BARX2: variants seen among roughly 807,000 people sequenced by gnomAD.
The protein encoded by BARX2 is BARX homeobox 2, also known as homeobox protein BarH-like 2.
Under a neutral mutation model 25.5 loss-of-function variants are expected in BARX2, and 11 were observed. That is an observed-to-expected ratio of 0.43 (90% CI 0.27 to 0.71). BARX2 has a LOEUF of 0.71. Among genes scored for constraint, BARX2 ranks in the 30% least tolerant of loss-of-function variants. BARX2 has a pLI of 0.19. For missense variants in BARX2, 360 were observed against 359.9 expected (o/e 1.00, Z 0.00); for synonymous variants, 137 against 149.5 (o/e 0.92, Z 0.61).
At chr11:129,429,009 T>TG (rs1473890097) in intron 1 of BARX2, among the ~76,000 whole-genome samples, 4 of 124,972 alleles carry the variant, frequency 3.2e-5, no homozygotes, top group Non-Finnish European at 6.1e-5. Context: ...GAAGTTGTGT[T>TG]TTTTTTTTTT....
intron 1 of BARX2, among the ~76,000 whole-genome samples, chr11:129,405,018 G>A (rs551215968): frequency 6.6e-6 from 1 of 152,266 alleles, no homozygotes; most frequent in Admixed American, 6.5e-5. Flanking sequence ...ACATCCATAC[G>A]TATAGCCTCT....
At chr11:129,426,355 C>T (rs1235254801) in intron 1 of BARX2, among the ~76,000 whole-genome samples, 1 of 151,866 alleles carries the variant, frequency 6.6e-6, no homozygotes, top group African/African-American at 2.4e-5. Context: ...CACCCTGTAT[C>T]TGTTTTCCAT....
intron 2 of BARX2, among the ~76,000 whole-genome samples, chr11:129,440,775 TGATA>T (rs1426107443): frequency 2.6e-5 from 4 of 152,136 alleles, no homozygotes; most frequent in East Asian, 3.9e-4. Context: ...TGGGCCTCCC[TGATA>T]GTTAGATCTC....
chr11:129,398,434 A>G (rs1344323210), intron 1 of BARX2, among the ~76,000 whole-genome samples: 1 of 152,238 alleles, frequency 6.6e-6, no homozygotes, highest in Non-Finnish European at 1.5e-5. Flanking sequence ...CAGAGATATC[A>G]TGCTAATTGC....
At chr11:129,447,644 T>C (rs547849605) in intron 3 of BARX2, among the ~76,000 whole-genome samples, 1 of 152,262 alleles carries the variant, frequency 6.6e-6, no homozygotes, top group Admixed American at 6.5e-5. Flanking sequence ...AATGTTTTAT[T>C]CCATTTAGAA....
chr11:129,377,692 T>G (rs1395399162), intron 1 of BARX2, among the ~76,000 whole-genome samples: 1 of 152,232 alleles, frequency 6.6e-6, no homozygotes, highest in Non-Finnish European at 1.5e-5. Context: ...CAAATCATCC[T>G]TTGTTATAAT....
intron 1 of BARX2, among the ~76,000 whole-genome samples, chr11:129,430,022 A>C (rs1297389838): frequency 6.6e-6 from 1 of 151,304 alleles, no homozygotes. Context: ...CCTGCCCCCC[A>C]TACATTGTGT....
At chr11:129,404,070 C>G (rs73569141) in intron 1 of BARX2, among the ~76,000 whole-genome samples, 1 of 152,212 alleles carries the variant, frequency 6.6e-6, no homozygotes, top group Non-Finnish European at 1.5e-5. Context: ...GAAAAATAAT[C>G]CAGTATCTAT....
intron 1 of BARX2, among the ~76,000 whole-genome samples, chr11:129,380,013 G>C (rs931680282): frequency 6.6e-6 from 1 of 151,780 alleles, no homozygotes; most frequent in African/African-American, 2.4e-5. Context: ...TACAGAGCTG[G>C]AGAGGCTCAT....
chr11:129,419,925 C>G (rs1861985663), intron 1 of BARX2, among the ~76,000 whole-genome samples: 1 of 151,976 alleles, frequency 6.6e-6, no homozygotes. Flanking sequence ...AGATTACATG[C>G]ATTAGCCACC....
rs765885620 is a variant in BARX2, at chr11:129,436,690, G to A, written c.188-61G>A. On this transcript the variant is annotated intron_variant, in intron 1 of 3. Coordinates refer to ENST00000281437, the MANE Select transcript of BARX2 (RefSeq NM_003658.5). This position sits in a 1 kb window ranked among gnomAD's most constrained non-coding sequence, Gnocchi z 4.5. Reference sequence around the variant, plus strand: ...GACCTCAGCCAGCGGCCCTCCGCAGGTCCTGGCCTGCTTCCCCACACCGTT... The same window carrying A: ...GACCTCAGCCAGCGGCCCTCCGCAGATCCTGGCCTGCTTCCCCACACCGTT... 44 of 1,512,234 alleles carry A rather than the reference G, an allele frequency of 2.9e-5. No individual in the cohort carries two copies. The highest frequency in any genetic ancestry group is 3.9e-5 in the Non-Finnish European group (44 of 1,125,314). The allele number at this position is 1,512,234 out of a possible 1,614,324, so 93.7% of individuals were successfully genotyped here.
intron 2 of BARX2, among the ~76,000 whole-genome samples, chr11:129,440,072 T>C (rs1695718786): frequency 6.6e-6 from 1 of 152,150 alleles, no homozygotes. Flanking sequence ...CTCTCAGATG[T>C]TCCTCGCCTC....
At chr11:129,401,448 A>T (rs957617626) in intron 1 of BARX2, among the ~76,000 whole-genome samples, 30 of 152,346 alleles carry the variant, frequency 2.0e-4, no homozygotes, top group African/African-American at 6.7e-4. Context: ...ATTATTTTTT[A>T]AAAATTTTAG....
At chr11:129,443,017 T>C in intron 3 of BARX2, 98 bp downstream of exon 3, 1 of 1,107,438 alleles carries the variant, frequency 9.0e-7, no homozygotes, top group Non-Finnish European at 1.4e-6. Flanking sequence ...CAGTTTGGGC[T>C]GCAGAGATTG....
At chr11:129,383,424 T>G (rs1156985197) in intron 1 of BARX2, among the ~76,000 whole-genome samples, 1 of 152,190 alleles carries the variant, frequency 6.6e-6, no homozygotes, top group Non-Finnish European at 1.5e-5. Flanking sequence ...GAATCCTACA[T>G]ATGATTGCTC....
chr11:129,400,581 T>A (rs1861765388), intron 1 of BARX2, among the ~76,000 whole-genome samples: 1 of 152,228 alleles, frequency 6.6e-6, no homozygotes, highest in Admixed American at 6.5e-5. Flanking sequence ...ATACATTCTA[T>A]ACTCAAGAAG....
chr11:129,391,908 A>T (rs1229062829), intron 1 of BARX2, among the ~76,000 whole-genome samples: 1 of 152,094 alleles, frequency 6.6e-6, no homozygotes, highest in East Asian at 1.9e-4. Context: ...TCAGTTTGAG[A>T]TTTGGATGAC....
At position 129,436,825 on chromosome 11, in the gene BARX2, C is replaced by G. The variant is rs140261325; in HGVS notation, c.262C>G (p.Pro88Ala). Reference sequence around the variant, plus strand: ...GCCCACTGTCATCTCCCACCTGGTCCCTGCCACCCCGGGAATCGCCCAGGC... The same window carrying G: ...GCCCACTGTCATCTCCCACCTGGTCGCTGCCACCCCGGGAATCGCCCAGGC... ...RQPTVISHLV[P>A]ATPGIAQALS... is the part of the protein sequence containing the mutation. The change falls in exon 2 of 4, where the codon CCT (proline) becomes GCT (alanine). Residue 88 changes from proline (P) to alanine (A), a missense_variant. Transcript: ENST00000281437. The surrounding 1 kb of genome is among the most constrained non-coding windows in gnomAD (Gnocchi z 4.5). 61 of 1,613,742 alleles carry G rather than the reference C, an allele frequency of 3.8e-5. No individual in the cohort carries two copies. Among genetic ancestry groups the G allele is most frequent in the Non-Finnish European group, 4.8e-5 (57 of 1,179,902 alleles).
intron 1 of BARX2, among the ~76,000 whole-genome samples, chr11:129,407,202 G>A (rs1861839536): frequency 6.6e-6 from 1 of 152,142 alleles, no homozygotes; most frequent in Non-Finnish European, 1.5e-5. Context: ...TACGGCTGGT[G>A]GAGAGGACAG....
Sources: gnomAD v4.1 joint callset for allele counts (sites outside exome capture counted in the v4.1 genomes callset) on GRCh38, gnomAD v4.1.1 for gene constraint, Gnocchi (gnomAD v3.1) non-coding constraint, MANE v1.5 for transcripts, NCBI Gene and HGNC (gene_info 2026-07-23, HGNC 2026-07-21) for gene names.